Variants in SLC67A1 observed in about 807,000 individuals in gnomAD.
SLC67A1 encodes solute carrier family 67 member 1.
chr11:2,912,827 C>T, the SLC67A1 span, among the ~76,000 whole-genome samples: 3 of 152,192 alleles, frequency 2.0e-5, no homozygotes, highest in Admixed American at 2.0e-4. Context: ...GAGTCCTATC[C>T]TGAGCCAGAC....
the SLC67A1 span, chr11:2,908,267 C>G: frequency 1.2e-6 from 2 of 1,613,858 alleles, no homozygotes; most frequent in African/African-American, 2.7e-5. Context: ...GATTCCATTG[C>G]CTTCGGCTAC....
At chr11:2,918,920 C>T in the SLC67A1 span, 78 of 200,290 alleles carry the variant, frequency 3.9e-4, no homozygotes, top group African/African-American at 1.6e-3. Context: ...GTCTCAAACT[C>T]CTGGCCTCAA....
At chr11:2,919,679 G>C in the SLC67A1 span, 28 of 516,260 alleles carry the variant, frequency 5.4e-5, no homozygotes, top group African/African-American at 3.8e-4. Context: ...TGTGTGACCA[G>C]AGCAAGTCTC....
chr11:2,924,306 C>T, the SLC67A1 span, among the ~76,000 whole-genome samples: 1 of 152,114 alleles, frequency 6.6e-6, no homozygotes, highest in African/African-American at 2.4e-5. This position sits in a 1 kb window ranked among gnomAD's most constrained non-coding sequence, Gnocchi z 8.6. Flanking sequence ...GGTGGAGGGG[C>T]CCTGCATGGG....
the SLC67A1 span, chr11:2,902,485 C>CA: frequency 2.2e-5 from 15 of 688,616 alleles, no homozygotes; most frequent in Admixed American, 8.2e-4. Flanking sequence ...CCCTGCTCCC[C>CA]CCAGCCTCCC....
chr11:2,900,879 A>G, the SLC67A1 span, among the ~76,000 whole-genome samples: 4 of 152,194 alleles, frequency 2.6e-5, no homozygotes, highest in Admixed American at 2.6e-4. Flanking sequence ...TCTGAGCAGC[A>G]TTCCTTCCTT....
chr11:2,909,207 AG>A, the SLC67A1 span: 1 of 1,535,138 alleles, frequency 6.5e-7, no homozygotes, highest in Non-Finnish European at 8.7e-7. Flanking sequence ...TTCGCAGACC[AG>A]CGCGGGGCGC....
the SLC67A1 span, chr11:2,902,598 G>A: frequency 5.1e-6 from 5 of 985,404 alleles, no homozygotes; most frequent in African/African-American, 7.0e-5. Context: ...GGGCTCAGAT[G>A]TGCAGTCAGC....
chr11:2,909,587 T>C, the SLC67A1 span: 1 of 1,529,082 alleles, frequency 6.5e-7, no homozygotes. Flanking sequence ...GCCGCCCAGA[T>C]GGTCATCACG....
At chr11:2,922,247 T>C in the SLC67A1 span, 20 of 1,571,858 alleles carry the variant, frequency 1.3e-5, no homozygotes, top group African/African-American at 2.6e-4. Context: ...ACCCTCTCAC[T>C]GGGCAAGGCC....
the SLC67A1 span, chr11:2,917,990 G>A: frequency 9.1e-5 from 147 of 1,611,786 alleles, 1 homozygote; most frequent in African/African-American, 1.4e-3. Flanking sequence ...CGTGCCAGGC[G>A]GCCCCCGGGC....
chr11:2,917,105 C>T, the SLC67A1 span: 7 of 264,068 alleles, frequency 2.7e-5, no homozygotes, highest in Non-Finnish European at 3.1e-5. Flanking sequence ...AGCAAGGCTC[C>T]GGAAGCTCTG....
At chr11:2,922,606 C>A in the SLC67A1 span, 4 of 1,418,502 alleles carry the variant, frequency 2.8e-6, no homozygotes, top group Non-Finnish European at 3.8e-6. Context: ...GCCCTAGGAG[C>A]TACCCGGTGG....
the SLC67A1 span, chr11:2,902,206 C>G: frequency 6.6e-6 from 1 of 152,194 alleles, no homozygotes; most frequent in Non-Finnish European, 1.5e-5. Context: ...GATTGCAAAG[C>G]GCGAGGGCTG....
the SLC67A1 span, chr11:2,917,943 T>C: frequency 1.3e-6 from 2 of 1,504,442 alleles, no homozygotes; most frequent in South Asian, 2.4e-5. Context: ...GGGGTGGGCA[T>C]TGGGACAATG....
At chr11:2,910,063 G>C in the SLC67A1 span, among the ~76,000 whole-genome samples, 2 of 152,190 alleles carry the variant, frequency 1.3e-5, no homozygotes, top group African/African-American at 4.8e-5. Context: ...CTGGGATGCT[G>C]TGGCAGCGGG....
chr11:2,909,612 C>T, the SLC67A1 span: 2 of 1,531,716 alleles, frequency 1.3e-6, no homozygotes, highest in African/African-American at 2.8e-5. Context: ...TGTCGGCACC[C>T]GAGGAGCGGC....
the SLC67A1 span, among the ~76,000 whole-genome samples, chr11:2,900,599 A>G: frequency 1.4e-5 from 2 of 145,906 alleles, no homozygotes; most frequent in African/African-American, 5.0e-5. Context: ...AGGCTGAGGC[A>G]GGAGAATGGC....
At chr11:2,913,116 C>T in the SLC67A1 span, among the ~76,000 whole-genome samples, 6 of 152,172 alleles carry the variant, frequency 3.9e-5, no homozygotes, top group African/African-American at 1.4e-4. Flanking sequence ...AAGAGGCTCT[C>T]GGGGGCAGAT....
Sources: allele counts gnomAD v4.1 joint callset (sites outside exome capture counted in the v4.1 genomes callset), GRCh38; gene constraint gnomAD v4.1.1; non-coding constraint Gnocchi (gnomAD v3.1); transcripts MANE v1.5; gene names NCBI Gene and HGNC (gene_info 2026-07-23, HGNC 2026-07-21).